The following PRRC2C variants were observed in gnomAD, a reference collection of about 807,000 sequenced individuals.
PRRC2C encodes proline rich coiled-coil 2C, also known as protein PRRC2C.
PRRC2C carries 72 observed loss-of-function variants against 317.2 expected under a neutral mutation model. That is an observed-to-expected ratio of 0.23 (90% CI 0.19 to 0.28). PRRC2C has a LOEUF of 0.28. Ranked by LOEUF, PRRC2C falls within the 10% of genes least tolerant of loss-of-function variation. The pLI, the probability that PRRC2C is intolerant of heterozygous loss-of-function variation, is 1.00. For synonymous variants in PRRC2C, 1,296 were observed against 1,205.9 expected (o/e 1.07, Z -1.55); for missense variants, 3,074 against 3,459.7 (o/e 0.89, Z 2.80).
chr1:171,538,526 A>G (rs1463993880), intron 15 of PRRC2C, among the ~76,000 whole-genome samples: 3 of 152,092 alleles, frequency 2.0e-5, no homozygotes, highest in Non-Finnish European at 4.4e-5. Flanking sequence ...TTTATGGGCT[A>G]TATTTTTTTG....
chr1:171,497,411 A>G (rs10913141), intron 1 of PRRC2C, among the ~76,000 whole-genome samples: 20,855 of 152,050 alleles, frequency 0.14, 1,406 homozygotes, highest in Non-Finnish European at 0.16. Context: ...TTCATTGGTA[A>G]TTTTCAGTGA....
In PRRC2C at chr1:171,506,897, T is replaced by C. The variant is rs146408409; in HGVS notation, c.-57-5135T>C. Among the ~76,000 whole-genome samples the C allele has an allele frequency of 1.1e-4, 16 of 152,244 alleles. No individual in the cohort carries two copies. In the East Asian group the frequency reaches 3.1e-3, roughly 29 times the overall value. On this transcript the variant is annotated intron_variant, in intron 1 of 34. Transcript: ENST00000647382. ...TTCAATCTTTAGCTTGTTGAACATATAGAATACAGTTATAAAGTAGCTTTT... is the reference window on the plus strand; with the variant it reads ...TTCAATCTTTAGCTTGTTGAACATACAGAATACAGTTATAAAGTAGCTTTT...
At chr1:171,551,292 G>A (rs950315345) in intron 18 of PRRC2C, among the ~76,000 whole-genome samples, 26 of 152,230 alleles carry the variant, frequency 1.7e-4, no homozygotes, top group African/African-American at 6.0e-4. Flanking sequence ...CATATCCTTT[G>A]CCCACTTTTT....
chr1:171,541,641 C>T lies in PRRC2C; in HGVS notation c.4175C>T (p.Pro1392Leu), dbSNP rs773293361. The change falls in exon 16 of 35, where the codon CCG becomes CTG. Residue 1392 changes from proline to leucine, a missense_variant. Pro to Leu is a moderately conservative substitution (Grantham distance 98, BLOSUM62 -3). This residue lies in a region of PRRC2C where 1,320 missense variants were observed against 1,395.7 expected (regional missense o/e 0.95). Coordinates refer to ENST00000647382, the MANE Select transcript of PRRC2C (RefSeq NM_001387844.1). The surrounding 1 kb of genome is among the most constrained non-coding windows in gnomAD (Gnocchi z 4.1). Reference protein sequence around the residue: ...SEVPKPEDGEPPRRHEQFIPI... With the variant: ...SEVPKPEDGELPRRHEQFIPI... Reference sequence around the variant, plus strand: ...GTTCCTAAACCAGAAGATGGAGAGCCGCCAAGAAGACATGAGCAGTTTATT... The same window carrying T: ...GTTCCTAAACCAGAAGATGGAGAGCTGCCAAGAAGACATGAGCAGTTTATT... The T allele has an allele frequency of 3.3e-5, 53 of 1,613,550 alleles. No homozygotes were observed. Among genetic ancestry groups the T allele is most frequent in the South Asian group, 4.4e-5 (4 of 91,046 alleles).
intron 15 of PRRC2C, among the ~76,000 whole-genome samples, chr1:171,539,769 A>G (rs562793488): frequency 6.6e-6 from 1 of 152,210 alleles, no homozygotes; most frequent in Admixed American, 6.5e-5. Flanking sequence ...TTCTTTATCC[A>G]TTCAGCTATT....
intron 18 of PRRC2C, among the ~76,000 whole-genome samples, chr1:171,554,964 A>G (rs765296071): frequency 6.6e-6 from 1 of 152,170 alleles, no homozygotes; most frequent in Non-Finnish European, 1.5e-5. Context: ...CTCGAGGAGT[A>G]TCTTTGTGGT....
At chr1:171,591,527 T>A in intron 34 of PRRC2C, 60 bp from the exon 35 acceptor site, 1 of 1,569,384 alleles carries the variant, frequency 6.4e-7, no homozygotes, top group South Asian at 1.2e-5. Context: ...GAACCAAGAT[T>A]GATTTGACAG....
intron 1 of PRRC2C, 70 bp from the exon 2 acceptor site, chr1:171,511,962 A>G (rs1272311657): frequency 9.3e-6 from 5 of 538,146 alleles, no homozygotes; most frequent in Non-Finnish European, 1.7e-5. Context: ...AAGTTTTTTC[A>G]GAATTTCTGT....
chr1:171,565,453 G>C (rs1294871499), intron 20 of PRRC2C, among the ~76,000 whole-genome samples: 2 of 113,218 alleles, frequency 1.8e-5, no homozygotes, highest in Non-Finnish European at 4.2e-5. Context: ...AGCTGGGTTG[G>C]TTTGTTTGTT....
intron 3 of PRRC2C, 94 bp downstream of exon 3, chr1:171,513,266 C>G (rs1024613464): frequency 2.6e-5 from 33 of 1,252,716 alleles, no homozygotes; most frequent in Non-Finnish European, 3.7e-5. Flanking sequence ...GTTATGCTGT[C>G]TGTATTACAT....
At chr1:171,567,963 G>A (rs1197717968) in intron 22 of PRRC2C, among the ~76,000 whole-genome samples, 1 of 152,190 alleles carries the variant, frequency 6.6e-6, no homozygotes. Flanking sequence ...GAGGCAGGCA[G>A]ATCACTTAAG....
intron 11 of PRRC2C, among the ~76,000 whole-genome samples, chr1:171,529,869 T>G (rs1268141527): frequency 6.6e-6 from 1 of 152,208 alleles, no homozygotes; most frequent in Non-Finnish European, 1.5e-5. Context: ...ACTAGCAGAT[T>G]TTCTTTTCCT....
chr1:171,564,468 C>T (rs1683253868), intron 20 of PRRC2C, among the ~76,000 whole-genome samples: 1 of 152,176 alleles, frequency 6.6e-6, no homozygotes, highest in Non-Finnish European at 1.5e-5. Context: ...TTTTCTAATA[C>T]TACTGTACAC....
intron 16 of PRRC2C, 135 bp from the exon 17 acceptor site, chr1:171,545,344 T>C: frequency 2.9e-6 from 2 of 698,298 alleles, no homozygotes. Flanking sequence ...TACTAATGCT[T>C]GTTTGGTTAC....
chr1:171,518,352 G>GAGGTCCAT (rs886912146), intron 6 of PRRC2C, among the ~76,000 whole-genome samples: 2 of 151,536 alleles, frequency 1.3e-5, no homozygotes, highest in Non-Finnish European at 2.9e-5. Context: ...TTCCTGAGAG[G>GAGGTCCAT]AGGTCCATAG....
At chr1:171,566,499 AC>A (rs1443925601) in intron 21 of PRRC2C, 78 bp downstream of exon 21, 1 of 1,479,300 alleles carries the variant, frequency 6.8e-7, no homozygotes, top group East Asian at 2.5e-5. Flanking sequence ...TTAAAAGTGA[AC>A]TTAATTTTAA....
chr1:171,569,274 C>CTTT (rs1684261752), intron 23 of PRRC2C, among the ~76,000 whole-genome samples: 1 of 6,536 alleles, frequency 1.5e-4, no homozygotes, highest in Non-Finnish European at 4.5e-4. Flanking sequence ...TCACAAAGAG[C>CTTT]TTTAACTATC....
rs1173993693 is a variant in PRRC2C, at chr1:171,521,050, C to T, written c.751-1127C>T. On this transcript the variant is annotated intron_variant, in intron 6 of 34. Transcript: ENST00000647382. ...CCATCTCCTGACCTCGTGATCTACC[C>T]GCTTCGGCCTCCCAAAGTGCTGGGA... 4.6e-5 allele frequency among the ~76,000 whole-genome samples: 7 copies of T among 151,872 alleles called. No individual in the cohort carries two copies. In the South Asian group the frequency reaches 1.2e-3, roughly 27 times the overall value.
At chr1:171,510,985 T>C (rs904217503) in intron 1 of PRRC2C, 3 of 152,196 alleles carry the variant, frequency 2.0e-5, no homozygotes, top group Admixed American at 2.0e-4. Context: ...ACATCTCTGC[T>C]GATTCTGTAA....
Sources: allele counts gnomAD v4.1 joint callset (sites outside exome capture counted in the v4.1 genomes callset), GRCh38; gene constraint gnomAD v4.1.1; regional missense constraint gnomAD v4.1.1; non-coding constraint Gnocchi (gnomAD v3.1); transcripts MANE v1.5; gene names NCBI Gene and HGNC (gene_info 2026-07-23, HGNC 2026-07-21).